Variants in ZNF445 observed in about 807,000 individuals in gnomAD.
ZNF445 encodes the protein zinc finger protein 168.
A neutral mutation model predicts 93.9 loss-of-function variants in ZNF445; 19 were observed. The observed-to-expected ratio is 0.20, with a 90% CI of 0.14 to 0.30. ZNF445 has a LOEUF of 0.30. Ranked by LOEUF, ZNF445 falls within the 10% of genes least tolerant of loss-of-function variation. ZNF445 has a pLI of 1.00. For synonymous variants in ZNF445, 449 were observed against 446.3 expected, an observed-to-expected ratio of 1.01 and a Z score of -0.08; for missense variants, 1,058 against 1,259.4, an observed-to-expected ratio of 0.84 and a Z score of 2.42.
At chr3:44,455,788 C>T (rs1698021847) in intron 2 of ZNF445, 92 bp from the exon 3 acceptor site, 6 of 468,780 alleles carry the variant, frequency 1.3e-5, no homozygotes, top group African/African-American at 2.0e-5. Context: ...ATAAGAAGAG[C>T]GTTTGCACAA....
chr3:44,453,228 A>G (rs867159343), intron 3 of ZNF445, among the ~76,000 whole-genome samples: 14 of 150,952 alleles, frequency 9.3e-5, no homozygotes, highest in African/African-American at 2.4e-4. Context: ...TCATTTATAC[A>G]TGAATTATGT....
chr3:44,468,474 C>T (rs996523680), intron 1 of ZNF445, among the ~76,000 whole-genome samples: 4 of 152,130 alleles, frequency 2.6e-5, no homozygotes, highest in African/African-American at 4.8e-5. Flanking sequence ...ATTGCCTTTG[C>T]GGGACTAACA....
At chr3:44,453,829 A>T (rs1006952634) in intron 3 of ZNF445, among the ~76,000 whole-genome samples, 4 of 152,138 alleles carry the variant, frequency 2.6e-5, no homozygotes. Flanking sequence ...TCACGATTAA[A>T]CCATTTCTGC....
intron 1 of ZNF445, among the ~76,000 whole-genome samples, chr3:44,458,768 C>T (rs947561927): frequency 1.3e-5 from 2 of 152,148 alleles, no homozygotes; most frequent in African/African-American, 4.8e-5. Flanking sequence ...TCATCTTCCC[C>T]CTTTTCTGTC....
rs1200062962 is a variant in ZNF445, at chr3:44,435,117, A to G, written c.*11458T>C. ...GTTAACGCCACCATTTTCTGCACAT[A>G]TGTCATATGAACCCCAATTATGACT... is the stretch of plus-strand genomic sequence containing the variant. On this transcript the variant is annotated 3_prime_UTR_variant, in exon 8 of 8. Transcript: ENST00000396077. 6.6e-6 allele frequency: 1 copy of G among 151,414 alleles called. No homozygotes were observed. The highest frequency in any genetic ancestry group is 2.4e-5 in the African/African-American group (1 of 41,320). The allele number at this position is 151,414 out of a possible 1,614,324, so 9.4% of individuals were successfully genotyped here.
rs1697817851 is a variant in ZNF445 at position 44,441,969 on chromosome 3, C to G, written c.*4606G>C. 6.6e-6 allele frequency: 1 copy of G among 152,348 alleles called. No individual in the cohort carries two copies. Among genetic ancestry groups the G allele is most frequent in the South Asian group, 2.1e-4 (1 of 4,852 alleles). The allele number at this position is 152,348 out of a possible 1,614,324, so 9.4% of individuals were successfully genotyped here. A position where few individuals can be genotyped will look rare whatever the true frequency, so the allele number is the denominator to read the frequency against. Reference sequence around the variant, plus strand: ...CAAGGCTTACATGCTAGACACTATTCTAAGCATTTTACATGCATTACTTCA... The same window carrying G: ...CAAGGCTTACATGCTAGACACTATTGTAAGCATTTTACATGCATTACTTCA... On this transcript the variant is annotated 3_prime_UTR_variant, in exon 8 of 8. Transcript: ENST00000396077.
rs141883875 is a variant in ZNF445 at position 44,439,364 on chromosome 3, C to G, written c.*7211G>C. On this transcript the variant is annotated 3_prime_UTR_variant, in exon 8 of 8. Transcript: ENST00000396077. ...GCAAAAAGCAGTGGTGACCATAGGT[C>G]ATGAGCAACGTCAGCGGACTTTTGG... 6.6e-6 allele frequency: 1 copy of G among 150,694 alleles called. No individual in the cohort carries two copies. Among genetic ancestry groups the G allele is most frequent in the Admixed American group, 6.6e-5 (1 of 15,112 alleles). The allele number at this position is 150,694 out of a possible 1,614,324, so 9.3% of individuals were successfully genotyped here.
At chr3:44,452,180 T>C (rs552832930) in intron 3 of ZNF445, among the ~76,000 whole-genome samples, 2 of 152,124 alleles carry the variant, frequency 1.3e-5, no homozygotes, top group Admixed American at 6.5e-5. Flanking sequence ...TAGAGATGAG[T>C]ACAGGAAACT....
At chr3:44,457,599 A>G (rs1157965712) in intron 2 of ZNF445, among the ~76,000 whole-genome samples, 1 of 152,154 alleles carries the variant, frequency 6.6e-6, no homozygotes, top group African/African-American at 2.4e-5. Context: ...AAGCAGTTCA[A>G]AAGAGGAAGG....
chr3:44,467,816 T>G (rs892985883), intron 1 of ZNF445, among the ~76,000 whole-genome samples: 1 of 152,194 alleles, frequency 6.6e-6, no homozygotes, highest in African/African-American at 2.4e-5. Context: ...GAGAGAAAAT[T>G]ATGCTTCAAA....
At chr3:44,455,029 A>G in intron 3 of ZNF445, 92 bp downstream of exon 3, 1 of 1,500,120 alleles carries the variant, frequency 6.7e-7, no homozygotes, top group South Asian at 1.2e-5. Context: ...ACTCCTCTAT[A>G]TTGACAGTTT....
chr3:44,450,386 A>C (rs554515479), intron 6 of ZNF445, 61 bp downstream of exon 6: 1 of 1,611,328 alleles, frequency 6.2e-7, no homozygotes, highest in African/African-American at 1.3e-5. Flanking sequence ...TATGCAGCAC[A>C]GAACAACCCA....
rs1456867170 is a variant in ZNF445 at position 44,445,360 on chromosome 3, AT to A, written c.*1214del. 5.9e-5 allele frequency: 9 copies of A among 152,218 alleles called. No individual in the cohort carries two copies. The highest frequency in any genetic ancestry group is 6.5e-5 in the Admixed American group (1 of 15,286). The allele number at this position is 152,218 out of a possible 1,614,324, so 9.4% of individuals were successfully genotyped here. On this transcript the variant is annotated 3_prime_UTR_variant, in exon 8 of 8. Transcript: ENST00000396077. ...GTCCTTGGATCTGTGGTTAACCCTT[AT>A]AAAATATAATTCAGATTCAAACCAC...
intron 1 of ZNF445, among the ~76,000 whole-genome samples, chr3:44,459,882 A>G (rs555556998): frequency 6.6e-6 from 1 of 152,332 alleles, no homozygotes; most frequent in South Asian, 2.1e-4. Context: ...CACATTCTTC[A>G]TGCCCCAGGA....
rs1386039890 is a variant in ZNF445, at chr3:44,456,415, TCAAAA to T, written c.-147-724_-147-720del. Among the ~76,000 whole-genome samples, 5 of 152,060 alleles carry T rather than the reference TCAAAA, an allele frequency of 3.3e-5. No individual in the cohort carries two copies. The East Asian group carries it at 9.6e-4, about 29-fold the overall frequency. The stretch of plus-strand genomic sequence containing the variant: ...CTGGGCAACAGAGCAAGGGTCTGTC[TCAAAA>T]CAAGCAAGCAAGCAAGCAAACAAAC... On this transcript the variant is annotated intron_variant, in intron 2 of 7. Transcript: ENST00000396077.
rs1697881856 is a variant in ZNF445 at position 44,446,682 on chromosome 3, T to C, written c.2989A>G (p.Lys997Glu). Reference protein sequence around the residue: ...FNKSSQLISHKRFHTRERPFK... With the variant: ...FNKSSQLISHERFHTRERPFK... ...GGCCTCTCTCGAGTATGAAATCTCT[T>C]GTGGCTAATGAGTTGTGAACTCTTG... Residue 997 changes from lysine (K) to glutamate (E), a missense_variant, in exon 8 of 8, where the codon AAG becomes GAG. Physicochemically the swap from Lys to Glu is moderately conservative, Grantham distance 56 (BLOSUM62 1). Transcript: ENST00000396077. The surrounding 1 kb of genome is among the most constrained non-coding windows in gnomAD (Gnocchi z 4.2). The C allele has an allele frequency of 5.0e-6, 8 of 1,614,222 alleles. No homozygotes were observed. Among genetic ancestry groups the C allele is most frequent in the Non-Finnish European group, 5.1e-6 (6 of 1,180,044 alleles).
intron 7 of ZNF445, 131 bp downstream of exon 7, chr3:44,449,382 C>A: frequency 3.9e-6 from 3 of 761,026 alleles, no homozygotes; most frequent in Non-Finnish European, 6.6e-6. Context: ...GGCCCAAGCA[C>A]CCTTACCAAC....
chr3:44,451,596 G>A lies in ZNF445; in HGVS notation c.430-114C>T, dbSNP rs9830775. The A allele has an allele frequency of 2.0e-3, 2,366 of 1,172,974 alleles. 35 individuals carry two copies. In the African/African-American group the frequency reaches 0.033, roughly 16 times the overall value. The allele number at this position is 1,172,974 out of a possible 1,614,324, so 72.7% of individuals were successfully genotyped here. ...CAAAGGCCGAGGGATAGGTAAGCCA[G>A]GTCCTTTATTACTTCCAGGCAGGAG... is the stretch of plus-strand genomic sequence containing the variant. On this transcript the variant is annotated intron_variant, in intron 3 of 7. Transcript: ENST00000396077.
chr3:44,450,548 T>A lies in ZNF445; in HGVS notation c.719A>T (p.Glu240Val), dbSNP rs771585277. 4 of 1,614,102 alleles carry A rather than the reference T, an allele frequency of 2.5e-6. No individual in the cohort carries two copies. The highest frequency in any genetic ancestry group is 3.4e-6 in the Non-Finnish European group (4 of 1,180,002). ...LQETMTFKDV[E>V]VTFSQDEWGW... ...CCACTCGTCCTGGGAGAAGGTCACCTCCACATCCTTGAAAGTCATGGTCTC... is the reference window on the plus strand; with the variant it reads ...CCACTCGTCCTGGGAGAAGGTCACCACCACATCCTTGAAAGTCATGGTCTC... Residue 240 changes from glutamate to valine, a missense_variant, in exon 6 of 8, where the codon GAG becomes GTG. Glu to Val is a moderately radical substitution (Grantham distance 121). Coordinates refer to ENST00000396077, the MANE Select transcript of ZNF445 (RefSeq NM_181489.6).
Sources: gnomAD v4.1 joint callset for allele counts (sites outside exome capture counted in the v4.1 genomes callset) on GRCh38, gnomAD v4.1.1 for gene constraint, Gnocchi (gnomAD v3.1) non-coding constraint, MANE v1.5 for transcripts, NCBI Gene and HGNC (gene_info 2026-07-23, HGNC 2026-07-21) for gene names.